Variants in MMP17 observed in about 807,000 individuals in gnomAD.
MMP17 encodes the protein matrix metallopeptidase 17.
In MMP17, 54 loss-of-function variants were observed where a neutral mutation model predicts 49.1. The observed-to-expected ratio is 1.10, with a 90% CI of 0.88 to 1.38. MMP17 has a LOEUF of 1.38. Among genes scored for constraint, MMP17 ranks in the 40% most tolerant of loss-of-function variants. MMP17 has a pLI of 0.00. For synonymous variants in MMP17, 397 were observed against 383.1 expected, an observed-to-expected ratio of 1.04 and a Z score of -0.42; for missense variants, 837 against 853.7, an observed-to-expected ratio of 0.98 and a Z score of 0.24.
chr12:131,847,804 G>A (rs1887785677), intron 8 of MMP17, among the ~76,000 whole-genome samples: 1 of 152,256 alleles, frequency 6.6e-6, no homozygotes, highest in Non-Finnish European at 1.5e-5. Context: ...TTCTGGGTGT[G>A]AGGGGTTGGT....
At position 131,828,610 on chromosome 12, in the gene MMP17, C is replaced by T; in HGVS notation, c.116C>T (p.Ala39Val). ...CTGGGGACCCGCGGGGGCTGCGCCG[C>T]GCCCGCACCCGCGCCGCGCGCCGAG... ...LALGTRGGCA[A>V]PAPAPRAEDL... The change falls in exon 1 of 10, where the codon GCG (alanine) becomes GTG (valine). Residue 39 changes from alanine (A) to valine (V), a missense_variant. Coordinates refer to ENST00000360564, the MANE Select transcript of MMP17 (RefSeq NM_016155.7). The T allele has an allele frequency of 1.2e-6, 1 of 847,228 alleles. No individual in the cohort carries two copies. The highest frequency in any genetic ancestry group is 1.5e-6 in the Non-Finnish European group (1 of 685,148). The allele number at this position is 847,228 out of a possible 1,614,324, so 52.5% of individuals were successfully genotyped here.
Position 131,845,426 on chromosome 12 carries a change from A to G in MMP17, c.1181A>G (p.Asp394Gly). The change falls in exon 8 of 10, where the codon GAC (aspartate) becomes GGC (glycine). Residue 394 changes from aspartate (D) to glycine (G), a missense_variant. By Grantham distance (94) the Asp-to-Gly change is moderately conservative. Transcript: ENST00000360564. ...SVDAVYERTS[D>G]HKIVFFKGDR... is the part of the protein sequence containing the mutation. ...GACGCCGTGTACGAGCGCACCAGCG[A>G]CCACAAGATCGTCTTCTTTAAAGGT... The G allele has an allele frequency of 6.3e-7, 1 of 1,574,898 alleles. No individual in the cohort carries two copies. Among genetic ancestry groups the G allele is most frequent in the Non-Finnish European group, 8.6e-7 (1 of 1,162,362 alleles).
At chr12:131,849,775 G>A (rs1400742074) in intron 8 of MMP17, 27 bp from the exon 9 acceptor site, 4 of 1,597,258 alleles carry the variant, frequency 2.5e-6, no homozygotes, top group East Asian at 4.5e-5. Context: ...CCGAGCCCCG[G>A]CCCACAGCTG....
At position 131,841,564 on chromosome 12, in the gene MMP17, C is replaced by A. The variant is rs574303942; in HGVS notation, c.707-60C>A. On this transcript the variant is annotated intron_variant, in intron 4 of 9. Transcript: ENST00000360564. ...AGAGCATGGTGGGGGCCTGCTGGTC[C>A]CTCCCCGCGGGGACAGGGCCCTTCT... is the stretch of plus-strand genomic sequence containing the variant. 67 of 1,571,030 alleles carry A rather than the reference C, an allele frequency of 4.3e-5. 1 individual carries two copies. The South Asian group carries it at 7.3e-4, about 17-fold the overall frequency.
rs776115860 is a variant in MMP17, at chr12:131,840,846, C to T, written c.696C>T (p.Phe232=). ...THFDDDEAWT[F]RSSDAHGMDL... is the part of the protein sequence containing the mutation. Reference sequence around the variant, plus strand: ...TTGACGATGACGAGGCCTGGACCTTCCGCTCCTCGGGTGCGTCTGGGGCAG... The same window carrying T: ...TTGACGATGACGAGGCCTGGACCTTTCGCTCCTCGGGTGCGTCTGGGGCAG... Residue 232 remains phenylalanine, a synonymous_variant, in exon 4 of 10, where the codon TTC becomes TTT. Coordinates refer to ENST00000360564, the MANE Select transcript of MMP17 (RefSeq NM_016155.7). 103 of 1,599,756 alleles carry T rather than the reference C, an allele frequency of 6.4e-5. 1 individual carries two copies. The Admixed American group carries it at 9.1e-4, about 14-fold the overall frequency.
chr12:131,844,973 C>T (rs1887616955), intron 6 of MMP17, 145 bp from the exon 7 acceptor site: 2 of 763,584 alleles, frequency 2.6e-6, no homozygotes, highest in Non-Finnish European at 2.2e-6. Flanking sequence ...TTTTAATTTG[C>T]CTTTAGCAGA....
chr12:131,848,907 G>T (rs1362572430), intron 8 of MMP17, among the ~76,000 whole-genome samples: 1 of 152,226 alleles, frequency 6.6e-6, no homozygotes, highest in African/African-American at 2.4e-5. Flanking sequence ...CCTGCTTTCG[G>T]TTCTTTTGGA....
Position 131,838,631 on chromosome 12 carries a change from G to T in MMP17, c.312G>T (p.Leu104=). The T allele has an allele frequency of 6.2e-7, 1 of 1,611,224 alleles. No homozygotes were observed. Among genetic ancestry groups the T allele is most frequent in the South Asian group, 1.1e-5 (1 of 90,820 alleles). The part of the protein sequence containing the change: ...TGILDEATLA[L]MKTPRCSLPD... ...CTGCAGACGAGGCCACCCTGGCCCTGATGAAAACCCCACGCTGCTCCCTGC... is the reference window on the plus strand; with the variant it reads ...CTGCAGACGAGGCCACCCTGGCCCTTATGAAAACCCCACGCTGCTCCCTGC... Residue 104 remains leucine (L), a synonymous_variant, in exon 3 of 10, where the codon CTG becomes CTT. Transcript: ENST00000360564.
intron 1 of MMP17, among the ~76,000 whole-genome samples, chr12:131,834,249 C>T (rs1385491870): frequency 6.6e-6 from 1 of 152,192 alleles, no homozygotes; most frequent in Admixed American, 6.5e-5. Context: ...TGGGTTGGGG[C>T]TCCCTGGAGC....
At chr12:131,849,375 G>A (rs962079919) in intron 8 of MMP17, among the ~76,000 whole-genome samples, 1 of 152,058 alleles carries the variant, frequency 6.6e-6, no homozygotes, top group African/African-American at 2.4e-5. Context: ...TCCCAGCTAC[G>A]CGGGAGGCTG....
Position 131,851,079 on chromosome 12 carries a change from A to G in MMP17, c.1617A>G (p.Ala539=). The change falls in exon 10 of 10, where the codon GCA becomes GCG. Residue 539 remains alanine, a synonymous_variant. Coordinates refer to ENST00000360564, the MANE Select transcript of MMP17 (RefSeq NM_016155.7). The part of the protein sequence containing the change: ...DGSVAAGVDA[A]EGPRAPPGQH... ...CTGTGGCTGCGGGCGTGGACGCGGC[A>G]GAGGGGCCCCGCGCCCCTCCAGGAC... The G allele has an allele frequency of 1.2e-6, 2 of 1,605,656 alleles. No individual in the cohort carries two copies. Among genetic ancestry groups the G allele is most frequent in the Admixed American group, 1.7e-5 (1 of 58,988 alleles).
At chr12:131,841,542 G>A (rs1887406978) in intron 4 of MMP17, 82 bp from the exon 5 acceptor site, 5 of 1,452,384 alleles carry the variant, frequency 3.4e-6, no homozygotes, top group Admixed American at 1.7e-5. Flanking sequence ...TCACCCCAGA[G>A]CATGGTGGGG....
intron 1 of MMP17, among the ~76,000 whole-genome samples, chr12:131,832,357 G>A (rs1373598937): frequency 8.3e-6 from 1 of 120,744 alleles, no homozygotes; most frequent in South Asian, 3.3e-4. Context: ...GGATGGGAAG[G>A]GGGAAGGCTG....
intron 3 of MMP17, 75 bp from the exon 4 acceptor site, chr12:131,840,498 G>A (rs1887330706): frequency 4.7e-6 from 7 of 1,483,544 alleles, no homozygotes; most frequent in Non-Finnish European, 6.3e-6. Context: ...GCTGAGGAGG[G>A]GCGTTCAGGG....
Position 131,849,809 on chromosome 12 carries a change from G to A in MMP17, c.1212G>A (p.Arg404=), listed in dbSNP as rs778295690. 5.0e-6 allele frequency: 8 copies of A among 1,613,254 alleles called. No individual in the cohort carries two copies. In the South Asian group the frequency reaches 6.6e-5, roughly 13 times the overall value. ...TGTTTCTCTCGCCCCCAGGAGACAGGTACTGGGTGTTCAAGGACAATAACG... is the reference window on the plus strand; with the variant it reads ...TGTTTCTCTCGCCCCCAGGAGACAGATACTGGGTGTTCAAGGACAATAACG... ...DHKIVFFKGD[R]YWVFKDNNVE... Residue 404 remains arginine, a synonymous_variant, in exon 9 of 10, where the codon AGG becomes AGA. Coordinates refer to ENST00000360564, the MANE Select transcript of MMP17 (RefSeq NM_016155.7).
chr12:131,847,195 A>ATG (rs1887749405), intron 8 of MMP17, among the ~76,000 whole-genome samples: 4 of 151,858 alleles, frequency 2.6e-5, no homozygotes, highest in South Asian at 4.1e-4. Flanking sequence ...GGCAGATTAC[A>ATG]AGGTCAGGAA....
intron 8 of MMP17, among the ~76,000 whole-genome samples, chr12:131,847,059 C>T (rs993377780): frequency 7.9e-5 from 12 of 151,088 alleles, no homozygotes; most frequent in African/African-American, 2.7e-4. Context: ...CTGCACTGCA[C>T]CATGATCGTG....
chr12:131,845,741 G>A (rs1047121289), intron 8 of MMP17, among the ~76,000 whole-genome samples: 7 of 152,316 alleles, frequency 4.6e-5, no homozygotes, highest in African/African-American at 7.2e-5. Flanking sequence ...TGCCAGTGCC[G>A]TTCGGTGTGG....
intron 4 of MMP17, 99 bp from the exon 5 acceptor site, chr12:131,841,525 C>A: frequency 7.9e-7 from 1 of 1,272,516 alleles, no homozygotes; most frequent in Non-Finnish European, 1.1e-6. Context: ...TCGAGGCATC[C>A]CCATGGTCAC....
Sources: allele counts gnomAD v4.1 joint callset (sites outside exome capture counted in the v4.1 genomes callset), GRCh38; gene constraint gnomAD v4.1.1; transcripts MANE v1.5; gene names NCBI Gene and HGNC (gene_info 2026-07-23, HGNC 2026-07-21).